The following FBN1 variants were observed in gnomAD, a reference collection of about 807,000 sequenced individuals.
FBN1 encodes the protein fibrillin 1, also known as fibrillin-1.
In FBN1, 29 loss-of-function variants were observed where a neutral mutation model predicts 365.1. The ratio of observed to expected loss-of-function variants is 0.08; its 90% CI spans 0.06 to 0.11. The LOEUF is 0.11. Among genes scored for constraint, FBN1 ranks in the 10% least tolerant of loss-of-function variants. The probability of loss-of-function intolerance (pLI) is 1.00; values close to 1 mark genes in which losing one functional copy is unlikely to be tolerated. For synonymous variants in FBN1, 1,210 were observed against 1,270.5 expected (o/e 0.95, Z 1.01); for missense variants, 2,476 against 3,703.2 (o/e 0.67, Z 8.60).
chr15:48,516,074 A>T, intron 11 of FBN1, 109 bp downstream of exon 11: 4 of 1,116,932 alleles, frequency 3.6e-6, no homozygotes. Flanking sequence ...AAAAATTAAT[A>T]TAACAATTTA....
At chr15:48,615,207 T>C (rs1240842500) in intron 2 of FBN1, among the ~76,000 whole-genome samples, 1 of 151,990 alleles carries the variant, frequency 6.6e-6, no homozygotes, top group Non-Finnish European at 1.5e-5. Context: ...GTCCAATCCC[T>C]ACCAAATCCT....
intron 55 of FBN1, among the ~76,000 whole-genome samples, chr15:48,432,486 T>C (rs1597522006): frequency 6.6e-6 from 1 of 152,230 alleles, no homozygotes; most frequent in African/African-American, 2.4e-5. Flanking sequence ...GCATTTTGTA[T>C]ATATAATCAC....
At position 48,644,844 on chromosome 15, in the gene FBN1, G is replaced by A; in HGVS notation, c.-75C>T. On this transcript the variant is annotated 5_prime_UTR_variant, in exon 2 of 66. Transcript: ENST00000316623. ...CGGTCTGCGGCCGCCGCTGCGCCCT[G>A]AAGCGCACCGCGCCGCCGGGGTCCC... is the stretch of plus-strand genomic sequence containing the variant. 1 of 1,359,842 alleles carries A rather than the reference G, an allele frequency of 7.4e-7. No homozygotes were observed. The highest frequency in any genetic ancestry group is 9.4e-7 in the Non-Finnish European group (1 of 1,058,262). The allele number at this position is 1,359,842 out of a possible 1,614,324, so 84.2% of individuals were successfully genotyped here.
Position 48,550,441 on chromosome 15 carries a change from C to T in FBN1, c.539-12633G>A, listed in dbSNP as rs532179745. On this transcript the variant is annotated intron_variant, in intron 6 of 65. Transcript: ENST00000316623. ...TCCCTCACACCCCCACCTAATCACC[C>T]GCAAACTTTGTCAAATTTACCACCT... 6.6e-5 allele frequency among the ~76,000 whole-genome samples: 10 copies of T among 152,244 alleles called. No homozygotes were observed. In the South Asian group the frequency reaches 1.5e-3, roughly 22 times the overall value.
At chr15:48,487,524 T>TCC (rs1296453316) in intron 27 of FBN1, 87 bp from the exon 28 acceptor site, 4 of 1,549,920 alleles carry the variant, frequency 2.6e-6, no homozygotes, top group Non-Finnish European at 3.5e-6. Flanking sequence ...TTGCTGGGTG[T>TCC]CCATCTTGAC....
In FBN1 at chr15:48,520,666, T is replaced by C. The variant is rs530286697; in HGVS notation, c.1140A>G (p.Arg380=). The change falls in exon 10 of 66, where the codon AGA becomes AGG. Residue 380 remains arginine (R), a synonymous_variant. Transcript: ENST00000316623. The stretch of plus-strand genomic sequence containing the variant: ...AACTGGAAGGGCTCTTACCGGTTGC[T>C]CTGATGGGACACATCTCAGGGGCGA... The part of the protein sequence containing the change: ...VTVAPEMCPI[R]ATEDFNKLCS... 1 of 1,614,086 alleles carries C rather than the reference T, an allele frequency of 6.2e-7. No individual in the cohort carries two copies. The highest frequency in any genetic ancestry group is 1.1e-5 in the South Asian group (1 of 91,084).
chr15:48,565,825 T>C (rs1257864594), intron 6 of FBN1, among the ~76,000 whole-genome samples: 3 of 152,172 alleles, frequency 2.0e-5, no homozygotes, highest in Non-Finnish European at 4.4e-5. Context: ...GATTCTAAAC[T>C]ATTTTAATAA....
chr15:48,628,107 C>G lies in FBN1; in HGVS notation c.165-15015G>C, dbSNP rs568015734. Among the ~76,000 whole-genome samples, 5 of 152,240 alleles carry G rather than the reference C, an allele frequency of 3.3e-5. No homozygotes were observed. The East Asian group carries it at 9.7e-4, about 29-fold the overall frequency. On this transcript the variant is annotated intron_variant, in intron 2 of 65. Coordinates refer to ENST00000316623, the MANE Select transcript of FBN1 (RefSeq NM_000138.5). ...GAGAATGACGGACATGTTTCACTGA[C>G]ATGAAACACACGGGTGATGTGCCTG...
chr15:48,549,567 A>T (rs1258150621), intron 6 of FBN1, among the ~76,000 whole-genome samples: 1 of 152,202 alleles, frequency 6.6e-6, no homozygotes, highest in Non-Finnish European at 1.5e-5. Flanking sequence ...CTTCTGCTTA[A>T]GCTAGTTCCA....
At chr15:48,506,354 G>T (rs568114948) in intron 15 of FBN1, among the ~76,000 whole-genome samples, 1 of 152,148 alleles carries the variant, frequency 6.6e-6, no homozygotes, top group South Asian at 2.1e-4. Context: ...AAACACCTTC[G>T]TGTTTTACTT....
intron 6 of FBN1, among the ~76,000 whole-genome samples, chr15:48,573,769 G>A (rs1597612717): frequency 1.3e-5 from 2 of 152,322 alleles, no homozygotes; most frequent in East Asian, 3.9e-4. Context: ...GACTGAGCCT[G>A]CTCCCCCAGG....
At position 48,503,956 on chromosome 15, in the gene FBN1, A is replaced by G; in HGVS notation, c.1961-17T>C. 1.2e-6 allele frequency: 2 copies of G among 1,613,940 alleles called. No homozygotes were observed. The highest frequency in any genetic ancestry group is 1.7e-6 in the Non-Finnish European group (2 of 1,180,010). On this transcript the variant is annotated splice_polypyrimidine_tract_variant and intron_variant, in intron 16 of 65. Transcript: ENST00000316623. ...TGTGTGTGTCTAAACAGGAAGAAGC[A>G]TCTGTCATCACACTGTCACTTCAAA...
intron 2 of FBN1, chr15:48,643,923 T>C (rs1597651801): frequency 6.6e-6 from 1 of 152,158 alleles, no homozygotes; most frequent in East Asian, 1.9e-4. Context: ...GCCAGTGAAA[T>C]GGTCAGTTGC....
At chr15:48,560,574 G>T (rs2044215638) in intron 6 of FBN1, among the ~76,000 whole-genome samples, 1 of 152,096 alleles carries the variant, frequency 6.6e-6, no homozygotes, top group Admixed American at 6.6e-5. Flanking sequence ...ATGAGATCTG[G>T]TATATTTGTA....
intron 15 of FBN1, among the ~76,000 whole-genome samples, chr15:48,508,101 TA>T (rs979296896): frequency 9.9e-5 from 15 of 152,116 alleles, no homozygotes; most frequent in Non-Finnish European, 1.8e-4. Flanking sequence ...AAATTATCCT[TA>T]AAAAAAATTT....
chr15:48,430,853 C>T, intron 55 of FBN1, 51 bp from the exon 56 acceptor site: 1 of 1,573,554 alleles, frequency 6.4e-7, no homozygotes, highest in Non-Finnish European at 8.7e-7. Context: ...CATATATCTG[C>T]CTTAATTACC....
intron 45 of FBN1, among the ~76,000 whole-genome samples, 169 bp downstream of exon 45, chr15:48,452,393 A>G (rs2043207972): frequency 1.3e-5 from 2 of 152,244 alleles, no homozygotes; most frequent in African/African-American, 2.4e-5. Flanking sequence ...GTGTTTAGAT[A>G]TTTTGACAAT....
intron 4 of FBN1, among the ~76,000 whole-genome samples, chr15:48,608,643 T>C (rs369987075): frequency 6.6e-6 from 1 of 152,182 alleles, no homozygotes; most frequent in East Asian, 1.9e-4. Context: ...AACCTCCTCC[T>C]TACACTACTC....
intron 8 of FBN1, among the ~76,000 whole-genome samples, chr15:48,532,672 C>A (rs1337881669): frequency 6.6e-6 from 1 of 151,864 alleles, no homozygotes; most frequent in Non-Finnish European, 1.5e-5. Context: ...CTTAATACAC[C>A]CAAGACACCA....
Sources: gnomAD v4.1 joint callset for allele counts (sites outside exome capture counted in the v4.1 genomes callset) on GRCh38, gnomAD v4.1.1 for gene constraint, MANE v1.5 for transcripts, NCBI Gene and HGNC (gene_info 2026-07-23, HGNC 2026-07-21) for gene names.